PARD3B: variants seen among roughly 807,000 people sequenced by gnomAD.
The protein encoded by PARD3B is par-3 family cell polarity regulator beta, also known as partitioning defective 3 homolog B.
A neutral mutation model predicts 130.2 loss-of-function variants in PARD3B; 103 were observed. The ratio of observed to expected loss-of-function variants is 0.79; its 90% CI spans 0.67 to 0.93. The LOEUF is 0.93. PARD3B is among the 40% of genes least tolerant of loss of function. The pLI is 0.00. For synonymous variants in PARD3B, 583 were observed against 553.2 expected (o/e 1.05, Z -0.76); for missense variants, 1,609 against 1,499.2 (o/e 1.07, Z -1.21).
intron 4 of PARD3B, among the ~76,000 whole-genome samples, chr2:205,093,488 G>T (rs1702230499): frequency 6.6e-6 from 1 of 152,100 alleles, no homozygotes; most frequent in African/African-American, 2.4e-5. Flanking sequence ...CATGCAGAGT[G>T]TTCAGGGAAA....
At chr2:204,670,089 TAA>T (rs1340601219) in intron 1 of PARD3B, among the ~76,000 whole-genome samples, 2 of 152,162 alleles carry the variant, frequency 1.3e-5, no homozygotes, top group Non-Finnish European at 2.9e-5. Flanking sequence ...CTAAAAGATC[TAA>T]AAGAGTTGCC....
In PARD3B at chr2:204,551,072, AT is replaced by A. The variant is rs566296483; in HGVS notation, c.120+4954del. ...AACTGACTCGCCATCAGCATTACAC[AT>A]GCTTCCAACTTGGTTTTGGTTCTGC... On this transcript the variant is annotated intron_variant, in intron 1 of 22. Coordinates refer to ENST00000406610, the MANE Select transcript of PARD3B (RefSeq NM_001302769.2). Among the ~76,000 whole-genome samples the A allele has an allele frequency of 2.0e-4, 30 of 152,256 alleles. No homozygotes were observed. The South Asian group carries it at 6.2e-3, about 32-fold the overall frequency.
chr2:204,660,331 A>G (rs778488787), intron 1 of PARD3B, among the ~76,000 whole-genome samples: 2 of 152,114 alleles, frequency 1.3e-5, no homozygotes, highest in African/African-American at 4.8e-5. Flanking sequence ...AAAAGCAACC[A>G]CCAGATACTT....
chr2:204,983,058 T>G (rs1340756115), intron 3 of PARD3B, among the ~76,000 whole-genome samples: 2 of 152,222 alleles, frequency 1.3e-5, no homozygotes, highest in Non-Finnish European at 2.9e-5. Flanking sequence ...ATTTTCTACC[T>G]GATTTAGTGC....
intron 20 of PARD3B, among the ~76,000 whole-genome samples, chr2:205,489,853 AC>A (rs1208002900): frequency 6.6e-6 from 1 of 152,108 alleles, no homozygotes; most frequent in African/African-American, 2.4e-5. Context: ...AAATGGAGAT[AC>A]AGAAGCAGAA....
intron 18 of PARD3B, among the ~76,000 whole-genome samples, chr2:205,306,417 A>G: frequency 6.6e-6 from 1 of 152,232 alleles, no homozygotes. Context: ...CTATTAAAAT[A>G]TTTAACTAAA....
At chr2:204,839,056 T>C (rs1309505989) in intron 2 of PARD3B, among the ~76,000 whole-genome samples, 1 of 152,126 alleles carries the variant, frequency 6.6e-6, no homozygotes, top group Non-Finnish European at 1.5e-5. Flanking sequence ...ATTTGCCAAA[T>C]CTGTAGTTAA....
chr2:205,224,043 G>C (rs1356090616), intron 15 of PARD3B, among the ~76,000 whole-genome samples: 47 of 138,462 alleles, frequency 3.4e-4, no homozygotes, highest in East Asian at 8.8e-4. Context: ...CAGCCTGGGT[G>C]ACAGAGTGAG....
At chr2:204,753,804 G>C (rs577840056) in intron 2 of PARD3B, among the ~76,000 whole-genome samples, 2 of 152,102 alleles carry the variant, frequency 1.3e-5, no homozygotes, top group Non-Finnish European at 2.9e-5. Flanking sequence ...TGTAATCCTA[G>C]CACTCTGGGA....
At chr2:205,539,253 C>T (rs1038115633) in intron 21 of PARD3B, among the ~76,000 whole-genome samples, 1 of 152,196 alleles carries the variant, frequency 6.6e-6, no homozygotes, top group Non-Finnish European at 1.5e-5. Flanking sequence ...TTCACAACAC[C>T]TGCCTTTGTC....
Position 205,001,567 on chromosome 2 carries a change from T to A in PARD3B, c.394+36244T>A, listed in dbSNP as rs1195237315. Among the ~76,000 whole-genome samples, 4 of 152,228 alleles carry A rather than the reference T, an allele frequency of 2.6e-5. No homozygotes were observed. The South Asian group carries it at 8.3e-4, about 32-fold the overall frequency. On this transcript the variant is annotated intron_variant, in intron 3 of 22. Coordinates refer to ENST00000406610, the MANE Select transcript of PARD3B (RefSeq NM_001302769.2). ...CTGAAGCTGCACCGTCCAGAATACC[T>A]GGCCTTCCTGGTTGGCACGTGAGAG...
At chr2:204,917,623 G>A (rs1044072437) in intron 2 of PARD3B, among the ~76,000 whole-genome samples, 3 of 152,140 alleles carry the variant, frequency 2.0e-5, no homozygotes, top group African/African-American at 4.8e-5. Context: ...GTAAATTTGG[G>A]AGTTCCATTT....
At chr2:204,963,419 T>G (rs1182433540) in intron 2 of PARD3B, among the ~76,000 whole-genome samples, 3 of 152,152 alleles carry the variant, frequency 2.0e-5, no homozygotes, top group Non-Finnish European at 2.9e-5. Flanking sequence ...GGATATCATA[T>G]GAAAGAAGAG....
chr2:204,751,018 G>A (rs567349893), intron 2 of PARD3B, among the ~76,000 whole-genome samples: 1 of 152,220 alleles, frequency 6.6e-6, no homozygotes, highest in African/African-American at 2.4e-5. Context: ...TATATTCTAT[G>A]CCTGTGGAAA....
In PARD3B at chr2:205,176,176, T is replaced by C. The variant is rs2035457846; in HGVS notation, c.1792-269T>C. On this transcript the variant is annotated intron_variant, in intron 12 of 22. Coordinates refer to ENST00000406610, the MANE Select transcript of PARD3B (RefSeq NM_001302769.2). The surrounding 1 kb of genome is among the most constrained non-coding windows in gnomAD (Gnocchi z 5.3). ...AAGAAAATTTGAAAGAAGCCAGTTATAAGTGGGAAAAGAGAATAATAAAGT... is the reference window on the plus strand; with the variant it reads ...AAGAAAATTTGAAAGAAGCCAGTTACAAGTGGGAAAAGAGAATAATAAAGT... Among the ~76,000 whole-genome samples the C allele has an allele frequency of 1.3e-5, 2 of 152,218 alleles. No individual in the cohort carries two copies. Among genetic ancestry groups the C allele is most frequent in the African/African-American group, 4.8e-5 (2 of 41,458 alleles).
chr2:205,592,847 A>G lies in PARD3B; in HGVS notation c.3261-22609A>G, dbSNP rs187089260. Among the ~76,000 whole-genome samples, 1 of 152,224 alleles carries G rather than the reference A, an allele frequency of 6.6e-6. No homozygotes were observed. The highest frequency in any genetic ancestry group is 1.9e-4 in the East Asian group (1 of 5,200). On this transcript the variant is annotated intron_variant, in intron 22 of 22. Coordinates refer to ENST00000406610, the MANE Select transcript of PARD3B (RefSeq NM_001302769.2). This position sits in a 1 kb window ranked among gnomAD's most constrained non-coding sequence, Gnocchi z 4.5. ...TTGCCCAAACCGAACTCTGTCTTCA[A>G]GGTTCCCTTAATGCAGTCCCCTTGT...
At position 205,269,340 on chromosome 2, in the gene PARD3B, C is replaced by A. The variant is rs2040629103; in HGVS notation, c.2185+23518C>A. On this transcript the variant is annotated intron_variant, in intron 16 of 22. Transcript: ENST00000406610. This position sits in a 1 kb window ranked among gnomAD's most constrained non-coding sequence, Gnocchi z 4.7. ...CTCTTATAATTAAATAGACTTATTTCAAACTGTTTCCCAATTTCAATTTAT... is the reference window on the plus strand; with the variant it reads ...CTCTTATAATTAAATAGACTTATTTAAAACTGTTTCCCAATTTCAATTTAT... Among the ~76,000 whole-genome samples, 1 of 152,096 alleles carries A rather than the reference C, an allele frequency of 6.6e-6. No individual in the cohort carries two copies. Among genetic ancestry groups the A allele is most frequent in the African/African-American group, 2.4e-5 (1 of 41,424 alleles).
chr2:205,351,559 G>C lies in PARD3B; in HGVS notation c.2631-49454G>C, dbSNP rs1440880473. On this transcript the variant is annotated intron_variant, in intron 18 of 22. Transcript: ENST00000406610. This position sits in a 1 kb window ranked among gnomAD's most constrained non-coding sequence, Gnocchi z 4.2. ...CACAGCCAAGACTTGGGAGATTTCA[G>C]GAAATAAGAATCCAGCTGACCAAAT... Among the ~76,000 whole-genome samples the C allele has an allele frequency of 2.6e-5, 4 of 152,134 alleles. No individual in the cohort carries two copies. In the East Asian group the frequency reaches 7.7e-4, roughly 29 times the overall value.
chr2:204,917,096 G>A (rs1015252721), intron 2 of PARD3B, among the ~76,000 whole-genome samples: 1 of 152,196 alleles, frequency 6.6e-6, no homozygotes, highest in African/African-American at 2.4e-5. Context: ...GGAGTAGAGA[G>A]GGAAGTTAGA....
Sources: gnomAD v4.1 joint callset for allele counts (sites outside exome capture counted in the v4.1 genomes callset) on GRCh38, gnomAD v4.1.1 for gene constraint, Gnocchi (gnomAD v3.1) non-coding constraint, MANE v1.5 for transcripts, NCBI Gene and HGNC (gene_info 2026-07-23, HGNC 2026-07-21) for gene names.